BCAS1: variants seen among roughly 807,000 people sequenced by gnomAD.
BCAS1 encodes brain enriched myelin associated protein 1, also known as breast carcinoma-amplified sequence 1.
A neutral mutation model predicts 65.4 loss-of-function variants in BCAS1; 46 were observed. The ratio of observed to expected loss-of-function variants is 0.70; its 90% CI spans 0.55 to 0.90. The LOEUF (loss-of-function observed/expected upper bound fraction) is 0.90, where lower values mean the gene tolerates loss of function less well. Ranked by LOEUF, BCAS1 falls within the 40% of genes least tolerant of loss-of-function variation. BCAS1 has a pLI of 0.00. For missense variants in BCAS1, 793 were observed against 771.2 expected, an observed-to-expected ratio of 1.03 and a Z score of -0.33; for synonymous variants, 298 against 293.5, an observed-to-expected ratio of 1.02 and a Z score of -0.16.
chr20:53,967,065 A>G lies in BCAS1; in HGVS notation c.1326T>C (p.Cys442=), dbSNP rs1316476656. ...ACTTTATAATCTCTACTGGTGACTC[A>G]CACACCACCTGGATTATTTTGCCAG... The part of the protein sequence containing the change: ...VPTGAEENVV[C]ESPVEIIKSK... The change falls in exon 10 of 13, where the codon TGT becomes TGC. Residue 442 remains cysteine, a synonymous_variant. Coordinates refer to ENST00000688948, the MANE Select transcript of BCAS1 (RefSeq NM_001366298.2). 2 of 1,604,838 alleles carry G rather than the reference A, an allele frequency of 1.2e-6. No individual in the cohort carries two copies. Among genetic ancestry groups the G allele is most frequent in the Non-Finnish European group, 1.7e-6 (2 of 1,177,034 alleles).
chr20:54,032,309 C>T (rs2091817786), intron 3 of BCAS1, among the ~76,000 whole-genome samples: 2 of 151,370 alleles, frequency 1.3e-5, no homozygotes, highest in South Asian at 4.2e-4. Context: ...TTAGACCTTC[C>T]TTGCAACAGT....
chr20:54,064,796 G>A (rs2092416323), intron 1 of BCAS1, among the ~76,000 whole-genome samples: 1 of 152,176 alleles, frequency 6.6e-6, no homozygotes, highest in Non-Finnish European at 1.5e-5. Context: ...TCATAATGGT[G>A]GCAATAATAA....
rs150782858 is a variant in BCAS1, at chr20:53,948,008, T to C, written c.1816-3012A>G. ...ATCTGGTATCTGAAACTCAGCAAGA[T>C]GACAGGTCCAAGCTCACTCAGCCAC... is the stretch of plus-strand genomic sequence containing the variant. On this transcript the variant is annotated intron_variant, in intron 12 of 12. Coordinates refer to ENST00000688948, the MANE Select transcript of BCAS1 (RefSeq NM_001366298.2). 2.6e-4 allele frequency among the ~76,000 whole-genome samples: 40 copies of C among 152,296 alleles called. 2 individuals are homozygous for C. The highest frequency in any genetic ancestry group is 1.5e-3 in the South Asian group (7 of 4,820).
chr20:54,063,848 G>A (rs916247473), intron 1 of BCAS1, among the ~76,000 whole-genome samples: 25 of 152,154 alleles, frequency 1.6e-4, no homozygotes, highest in African/African-American at 5.3e-4. Flanking sequence ...CATGATAAAC[G>A]TACAATTGAA....
intron 9 of BCAS1, among the ~76,000 whole-genome samples, chr20:53,974,072 A>T (rs2090258262): frequency 6.6e-6 from 1 of 152,182 alleles, no homozygotes; most frequent in African/African-American, 2.4e-5. Flanking sequence ...AAAACACACC[A>T]ATCAGTGCTC....
At chr20:54,058,191 CGG>C in intron 2 of BCAS1, 37 bp from the exon 3 acceptor site, 1 of 1,587,972 alleles carries the variant, frequency 6.3e-7, no homozygotes, top group Non-Finnish European at 8.6e-7. Context: ...GACAAATCTT[CGG>C]GGGAAAATCA....
At chr20:54,050,952 C>G (rs1407770275) in intron 3 of BCAS1, among the ~76,000 whole-genome samples, 1 of 152,196 alleles carries the variant, frequency 6.6e-6, no homozygotes, top group Non-Finnish European at 1.5e-5. Flanking sequence ...TAGAAAACAA[C>G]TATATTCTCA....
At chr20:54,064,841 T>G (rs1250841781) in intron 1 of BCAS1, among the ~76,000 whole-genome samples, 1 of 152,212 alleles carries the variant, frequency 6.6e-6, no homozygotes, top group Non-Finnish European at 1.5e-5. Context: ...GCTGAGCAGT[T>G]CTGATTTGCA....
At chr20:54,003,968 G>C (rs573362636) in intron 4 of BCAS1, among the ~76,000 whole-genome samples, 1 of 152,226 alleles carries the variant, frequency 6.6e-6, no homozygotes, top group African/African-American at 2.4e-5. Flanking sequence ...TATAGCAGAT[G>C]AGTGTTGATA....
At chr20:53,945,556 C>A (rs1174946624) in intron 12 of BCAS1, among the ~76,000 whole-genome samples, 3 of 152,074 alleles carry the variant, frequency 2.0e-5, no homozygotes, top group Non-Finnish European at 2.9e-5. Context: ...TTCCCCCAAC[C>A]CCCCATCCCA....
intron 4 of BCAS1, among the ~76,000 whole-genome samples, chr20:54,004,508 T>G (rs938361813): frequency 4.6e-5 from 7 of 152,200 alleles, no homozygotes; most frequent in African/African-American, 1.7e-4. Context: ...ATAAAGCTAT[T>G]ACATGAATAA....
intron 12 of BCAS1, 137 bp downstream of exon 12, chr20:53,953,295 G>A (rs750654432): frequency 1.8e-6 from 2 of 1,084,098 alleles, no homozygotes; most frequent in African/African-American, 3.2e-5. Flanking sequence ...AAGTCACATA[G>A]CAGTTCAAAA....
intron 2 of BCAS1, 132 bp from the exon 3 acceptor site, chr20:54,058,286 C>T: frequency 1.2e-6 from 1 of 842,432 alleles, no homozygotes; most frequent in Non-Finnish European, 1.9e-6. Flanking sequence ...TTTCTAGAAA[C>T]TCCCCAGTTT....
At position 54,009,335 on chromosome 20, in the gene BCAS1, A is replaced by G. The variant is rs376540164; in HGVS notation, c.724-13285T>C. On this transcript the variant is annotated intron_variant, in intron 4 of 12. Transcript: ENST00000688948. The stretch of plus-strand genomic sequence containing the variant: ...GAGACAGAGAGAAGCAGCAGCAAAA[A>G]CCTCTATTAGTAGAGACAACAGATG... Among the ~76,000 whole-genome samples the G allele has an allele frequency of 1.4e-4, 21 of 152,256 alleles. 1 individual carries two copies. The highest frequency in any genetic ancestry group is 9.6e-4 in the East Asian group (5 of 5,184).
chr20:53,997,736 C>T (rs766771885), intron 4 of BCAS1, among the ~76,000 whole-genome samples: 10 of 152,068 alleles, frequency 6.6e-5, no homozygotes, highest in South Asian at 2.1e-4. Flanking sequence ...TTTGGTGCAC[C>T]GGAGGTTGTG....
chr20:53,957,439 C>CT lies in BCAS1; in HGVS notation c.1543dup (p.Ser515LysfsTer18), dbSNP rs758469155. 2.5e-6 allele frequency: 4 copies of CT among 1,613,814 alleles called. No homozygotes were observed. The South Asian group carries it at 4.4e-5, about 18-fold the overall frequency. ...GAGTTCGAGGTCACTTACTTGGCAG[C>CT]TGGAGTCTTTCCCATTTATTTCTTC... On this transcript the variant is annotated frameshift_variant, in exon 11 of 13. Coordinates refer to ENST00000688948, the MANE Select transcript of BCAS1 (RefSeq NM_001366298.2). LOFTEE classifies it high-confidence loss of function.
chr20:54,021,781 T>G (rs1212297946), intron 4 of BCAS1, among the ~76,000 whole-genome samples: 1 of 152,036 alleles, frequency 6.6e-6, no homozygotes, highest in Non-Finnish European at 1.5e-5. Context: ...ATGCTGGGCT[T>G]AATACCTAGG....
intron 7 of BCAS1, among the ~76,000 whole-genome samples, chr20:53,988,940 T>C (rs2090682813): frequency 6.6e-6 from 1 of 152,208 alleles, no homozygotes; most frequent in African/African-American, 2.4e-5. Flanking sequence ...GGTTTCCTGC[T>C]CCCTGGGCTA....
intron 4 of BCAS1, among the ~76,000 whole-genome samples, chr20:54,027,791 C>T (rs966414358): frequency 3.5e-5 from 5 of 142,758 alleles, no homozygotes; most frequent in Non-Finnish European, 6.1e-5. Context: ...CACAAAAAAA[C>T]CCCCCAAAAA....
Sources: gnomAD v4.1 joint callset for allele counts (sites outside exome capture counted in the v4.1 genomes callset) on GRCh38, gnomAD v4.1.1 for gene constraint, MANE v1.5 for transcripts, NCBI Gene and HGNC (gene_info 2026-07-23, HGNC 2026-07-21) for gene names.